The following ABLIM2 variants were observed in gnomAD, a reference collection of about 807,000 sequenced individuals.
ABLIM2 encodes the protein actin binding LIM protein family member 2.
A neutral mutation model predicts 97.7 loss-of-function variants in ABLIM2; 53 were observed. The observed-to-expected ratio is 0.54, with a 90% CI of 0.44 to 0.68. The LOEUF (loss-of-function observed/expected upper bound fraction) is 0.68. ABLIM2 is among the 30% of genes least tolerant of loss of function. The probability of loss-of-function intolerance (pLI) is 0.00; values close to 1 mark genes in which losing one functional copy is unlikely to be tolerated. For synonymous variants in ABLIM2, 361 were observed against 345.8 expected, an observed-to-expected ratio of 1.04 and a Z score of -0.49; for missense variants, 835 against 867.2, an observed-to-expected ratio of 0.96 and a Z score of 0.47.
intron 1 of ABLIM2, among the ~76,000 whole-genome samples, chr4:8,143,798 C>T (rs1394928050): frequency 6.6e-6 from 1 of 152,196 alleles, no homozygotes; most frequent in East Asian, 1.9e-4. Flanking sequence ...TCTAGCCTCC[C>T]TGCCAAGCCT....
chr4:8,027,464 T>A (rs982309550), intron 12 of ABLIM2, among the ~76,000 whole-genome samples: 1 of 152,008 alleles, frequency 6.6e-6, no homozygotes, highest in African/African-American at 2.4e-5. Flanking sequence ...TGGGTAGGGG[T>A]TCTGAGGACA....
At chr4:8,110,206 C>T (rs187794642) in intron 1 of ABLIM2, among the ~76,000 whole-genome samples, 1 of 152,332 alleles carries the variant, frequency 6.6e-6, no homozygotes, top group East Asian at 1.9e-4. Flanking sequence ...ATCTTCAAGA[C>T]GCTTATGTTC....
Position 8,095,006 on chromosome 4 carries a change from C to A in ABLIM2, c.338+2093G>T, listed in dbSNP as rs1351585403. On this transcript the variant is annotated intron_variant, in intron 3 of 20. Transcript: ENST00000447017. This position sits in a 1 kb window ranked among gnomAD's most constrained non-coding sequence, Gnocchi z 4.7. Reference sequence around the variant, plus strand: ...TTTCTCTTTCTTTTCCTTTTTCTTTCTTTCTCTCTCTCTCTCCCCCCACTT... The same window carrying A: ...TTTCTCTTTCTTTTCCTTTTTCTTTATTTCTCTCTCTCTCTCCCCCCACTT... Among the ~76,000 whole-genome samples the A allele has an allele frequency of 1.7e-5, 2 of 115,684 alleles. No individual in the cohort carries two copies. Among genetic ancestry groups the A allele is most frequent in the African/African-American group, 6.9e-5 (2 of 28,880 alleles). 75.9% of individuals were successfully genotyped at this position (115,684 alleles called of 152,430 possible). A position where few individuals can be genotyped will look rare whatever the true frequency, so the allele number is the denominator to read the frequency against.
chr4:8,109,658 T>C (rs1170677577), intron 1 of ABLIM2, among the ~76,000 whole-genome samples: 1 of 152,092 alleles, frequency 6.6e-6, no homozygotes, highest in Non-Finnish European at 1.5e-5. Flanking sequence ...GGGCCGCAGG[T>C]CTTTCCAGGC....
At chr4:8,077,407 C>A (rs534621791) in intron 6 of ABLIM2, among the ~76,000 whole-genome samples, 2 of 152,192 alleles carry the variant, frequency 1.3e-5, no homozygotes, top group Admixed American at 6.5e-5. Context: ...TCAAGAGGCA[C>A]AGAAGAGAGC....
chr4:8,139,210 CGGAAAAGGGAAAAG>C (rs199736583), intron 1 of ABLIM2, among the ~76,000 whole-genome samples: 2 of 121,452 alleles, frequency 1.6e-5, no homozygotes, highest in Non-Finnish European at 3.3e-5. Flanking sequence ...AAAGAGAAAA[CGGAAAAGGGAAAAG>C]GGAAAAGGGA....
rs542060737 is a variant in ABLIM2, at chr4:8,149,080, T to C, written c.10+9600A>G. Among the ~76,000 whole-genome samples, 35 of 152,286 alleles carry C rather than the reference T, an allele frequency of 2.3e-4. No individual in the cohort carries two copies. Among genetic ancestry groups the C allele is most frequent in the African/African-American group, 6.7e-4 (28 of 41,564 alleles). On this transcript the variant is annotated intron_variant, in intron 1 of 20. Coordinates refer to ENST00000447017, the MANE Select transcript of ABLIM2 (RefSeq NM_001130083.2). This position sits in a 1 kb window ranked among gnomAD's most constrained non-coding sequence, Gnocchi z 6.4. ...AGGGGTCTGTAGGGCTGGGGCCATCTGGAGGCTCCGGGGGAGATCCACTTC... is the reference window on the plus strand; with the variant it reads ...AGGGGTCTGTAGGGCTGGGGCCATCCGGAGGCTCCGGGGGAGATCCACTTC...
intron 15 of ABLIM2, 52 bp from the exon 16 acceptor site, chr4:8,008,252 G>C: frequency 6.4e-7 from 1 of 1,564,740 alleles, no homozygotes; most frequent in Non-Finnish European, 8.8e-7. Flanking sequence ...TGCAATGGTG[G>C]GAACATCTCA....
intron 10 of ABLIM2, among the ~76,000 whole-genome samples, chr4:8,031,125 G>T (rs1171377234): frequency 6.6e-6 from 1 of 152,250 alleles, no homozygotes; most frequent in Non-Finnish European, 1.5e-5. Flanking sequence ...CTGGCTGTGT[G>T]CAGGGAAGGA....
At chr4:8,156,876 G>C (rs896214200) in intron 1 of ABLIM2, among the ~76,000 whole-genome samples, 3 of 152,262 alleles carry the variant, frequency 2.0e-5, no homozygotes, top group Non-Finnish European at 2.9e-5. Context: ...AATGCCTGCT[G>C]TGCGCATCAT....
At chr4:8,076,773 G>A (rs1577252260) in intron 6 of ABLIM2, among the ~76,000 whole-genome samples, 6 of 131,572 alleles carry the variant, frequency 4.6e-5, no homozygotes, top group South Asian at 2.9e-4. Context: ...GGGCTGCAGG[G>A]TGGGGGGGTC....
At chr4:8,036,792 C>T (rs1309699733) in intron 9 of ABLIM2, among the ~76,000 whole-genome samples, 1 of 152,184 alleles carries the variant, frequency 6.6e-6, no homozygotes, top group Non-Finnish European at 1.5e-5. Flanking sequence ...CAGTCCATGG[C>T]TTAAACATGT....
rs188839791 is a variant in ABLIM2, at chr4:8,069,294, C to A, written c.676-8240G>T. 6.6e-6 allele frequency among the ~76,000 whole-genome samples: 1 copy of A among 152,256 alleles called. No individual in the cohort carries two copies. Among genetic ancestry groups the A allele is most frequent in the Admixed American group, 6.5e-5 (1 of 15,292 alleles). Reference sequence around the variant, plus strand: ...GGCAACACGGTGCCCAGGAGGCCAGCCTGAGCGGCCCTAGAGGACCAGAGA... The same window carrying A: ...GGCAACACGGTGCCCAGGAGGCCAGACTGAGCGGCCCTAGAGGACCAGAGA... On this transcript the variant is annotated intron_variant, in intron 6 of 20. Coordinates refer to ENST00000447017, the MANE Select transcript of ABLIM2 (RefSeq NM_001130083.2). The surrounding 1 kb of genome is among the most constrained non-coding windows in gnomAD (Gnocchi z 4.2).
At position 8,001,091 on chromosome 4, in the gene ABLIM2, C is replaced by T. The variant is rs919578623; in HGVS notation, c.1618+6968G>A. Among the ~76,000 whole-genome samples, 1 of 152,216 alleles carries T rather than the reference C, an allele frequency of 6.6e-6. No individual in the cohort carries two copies. Among genetic ancestry groups the T allele is most frequent in the African/African-American group, 2.4e-5 (1 of 41,454 alleles). On this transcript the variant is annotated intron_variant, in intron 16 of 20. Transcript: ENST00000447017. This position sits in a 1 kb window ranked among gnomAD's most constrained non-coding sequence, Gnocchi z 4.2. ...CTGTGGCACTGCACAGGTTCGGGTC[C>T]CCTCTCTGAGCCTTGGTGTGTCCAT...
rs1848462116 is a variant in ABLIM2, at chr4:8,127,375, G to A, written c.11-20738C>T. Reference sequence around the variant, plus strand: ...GCCTGCACCCACTGGCGCTCGTGGTGCCGGCGCTCATGACCTTCACGCAGG... The same window carrying A: ...GCCTGCACCCACTGGCGCTCGTGGTACCGGCGCTCATGACCTTCACGCAGG... On this transcript the variant is annotated intron_variant, in intron 1 of 20. Transcript: ENST00000447017. The surrounding 1 kb of genome is among the most constrained non-coding windows in gnomAD (Gnocchi z 7.3). Among the ~76,000 whole-genome samples the A allele has an allele frequency of 6.6e-6, 1 of 152,160 alleles. No individual in the cohort carries two copies. The highest frequency in any genetic ancestry group is 2.4e-5 in the African/African-American group (1 of 41,434).
At chr4:7,983,506 T>C (rs746302043) in intron 19 of ABLIM2, 41 bp downstream of exon 19, 3 of 1,612,014 alleles carry the variant, frequency 1.9e-6, no homozygotes, top group East Asian at 4.5e-5. Context: ...TGGGCAGGTG[T>C]GGCGCGGCAC....
intron 2 of ABLIM2, among the ~76,000 whole-genome samples, chr4:8,102,684 G>C (rs550328993): frequency 3.9e-5 from 6 of 152,222 alleles, no homozygotes; most frequent in Admixed American, 3.9e-4. Context: ...TGATTTCACA[G>C]ATTTTCCCAG....
rs1350587622 is a variant in ABLIM2, at chr4:8,123,332, C to T, written c.11-16695G>A. ...CAGGCTGCAGGCAAGGGAACCCCATCTCAGAGATGCTCAGTAACCTGTCTA... is the reference window on the plus strand; with the variant it reads ...CAGGCTGCAGGCAAGGGAACCCCATTTCAGAGATGCTCAGTAACCTGTCTA... On this transcript the variant is annotated intron_variant, in intron 1 of 20. Coordinates refer to ENST00000447017, the MANE Select transcript of ABLIM2 (RefSeq NM_001130083.2). This position sits in a 1 kb window ranked among gnomAD's most constrained non-coding sequence, Gnocchi z 6.2. 1.3e-5 allele frequency among the ~76,000 whole-genome samples: 2 copies of T among 152,222 alleles called. No homozygotes were observed. The highest frequency in any genetic ancestry group is 2.9e-5 in the Non-Finnish European group (2 of 68,040).
At chr4:8,154,041 C>A (rs1714187903) in intron 1 of ABLIM2, among the ~76,000 whole-genome samples, 1 of 147,484 alleles carries the variant, frequency 6.8e-6, no homozygotes, top group Non-Finnish European at 1.5e-5. Context: ...CGGCTCACTG[C>A]AAGCTCTGCC....
Sources: allele counts gnomAD v4.1 joint callset (sites outside exome capture counted in the v4.1 genomes callset), GRCh38; gene constraint gnomAD v4.1.1; non-coding constraint Gnocchi (gnomAD v3.1); transcripts MANE v1.5; gene names NCBI Gene and HGNC (gene_info 2026-07-23, HGNC 2026-07-21).